Variants in ZNF407 observed in about 807,000 individuals in gnomAD.
The protein encoded by ZNF407 is zinc finger protein 407.
In ZNF407, 17 loss-of-function variants were observed where a neutral mutation model predicts 131.2. The ratio of observed to expected loss-of-function variants is 0.13; its 90% CI spans 0.09 to 0.19. The LOEUF (loss-of-function observed/expected upper bound fraction) is 0.19, where lower values mean the gene tolerates loss of function less well. Among genes scored for constraint, ZNF407 ranks in the 10% least tolerant of loss-of-function variants. ZNF407 has a pLI of 1.00. For missense variants in ZNF407, 2,681 were observed against 2,830.6 expected, an observed-to-expected ratio of 0.95 and a Z score of 1.20; for synonymous variants, 1,156 against 1,062.0, an observed-to-expected ratio of 1.09 and a Z score of -1.72.
At chr18:74,807,768 C>T (rs1424008630) in intron 4 of ZNF407, among the ~76,000 whole-genome samples, 1 of 152,122 alleles carries the variant, frequency 6.6e-6, no homozygotes, top group Non-Finnish European at 1.5e-5. Context: ...CCCTTATTTC[C>T]CCCACAGATT....
chr18:75,033,487 T>C (rs968958315), intron 8 of ZNF407, among the ~76,000 whole-genome samples: 1 of 152,072 alleles, frequency 6.6e-6, no homozygotes, highest in Non-Finnish European at 1.5e-5. Context: ...ATAGACAGAG[T>C]GGTAACCTAG....
intron 4 of ZNF407, among the ~76,000 whole-genome samples, chr18:74,820,330 C>T (rs1970323397): frequency 6.6e-6 from 1 of 152,128 alleles, no homozygotes; most frequent in Admixed American, 6.6e-5. Context: ...TGGTGAGCAG[C>T]CCTACAGACT....
intron 3 of ZNF407, among the ~76,000 whole-genome samples, chr18:74,692,965 C>T (rs955540191): frequency 3.9e-5 from 6 of 152,210 alleles, no homozygotes; most frequent in African/African-American, 1.4e-4. Context: ...GGTGGATTAT[C>T]TCAGTTTCCC....
intron 3 of ZNF407, among the ~76,000 whole-genome samples, chr18:74,686,391 A>G (rs1013823936): frequency 1.3e-5 from 2 of 152,192 alleles, no homozygotes; most frequent in African/African-American, 4.8e-5. Flanking sequence ...TCACCCCCAG[A>G]ATGAGGTTTT....
At chr18:74,723,019 C>T (rs755537627) in intron 3 of ZNF407, among the ~76,000 whole-genome samples, 2 of 152,020 alleles carry the variant, frequency 1.3e-5, no homozygotes, top group Admixed American at 6.5e-5. Context: ...CATTTTTCTC[C>T]GTCTGTTCTT....
chr18:74,984,277 C>T (rs1356424503), intron 8 of ZNF407, among the ~76,000 whole-genome samples: 11 of 152,102 alleles, frequency 7.2e-5, no homozygotes, highest in African/African-American at 2.2e-4. Context: ...ATGTTCCTGC[C>T]GCTGCTCACT....
At chr18:74,954,149 G>C (rs557556841) in intron 8 of ZNF407, among the ~76,000 whole-genome samples, 1 of 152,166 alleles carries the variant, frequency 6.6e-6, no homozygotes, top group Non-Finnish European at 1.5e-5. Context: ...TAAAGGGAAA[G>C]AGGCCAGTTT....
intron 1 of ZNF407, among the ~76,000 whole-genome samples, chr18:74,616,184 G>A (rs1040224684): frequency 5.3e-5 from 8 of 152,182 alleles, no homozygotes; most frequent in African/African-American, 9.7e-5. Flanking sequence ...GTGACATTCT[G>A]TTTGTATCTG....
intron 3 of ZNF407, 31 bp from the exon 4 acceptor site, chr18:74,781,397 A>G: frequency 4.2e-6 from 6 of 1,427,400 alleles, no homozygotes; most frequent in Non-Finnish European, 5.7e-6. Context: ...GTCAAGTTTT[A>G]GTTTTATAAT....
chr18:74,944,337 A>G (rs1353422869), intron 8 of ZNF407, among the ~76,000 whole-genome samples: 1 of 152,216 alleles, frequency 6.6e-6, no homozygotes, highest in East Asian at 1.9e-4. Flanking sequence ...AGCAATTGAT[A>G]AAGTATCCAT....
At chr18:74,992,851 G>A (rs1229323945) in intron 8 of ZNF407, among the ~76,000 whole-genome samples, 7 of 152,302 alleles carry the variant, frequency 4.6e-5, no homozygotes, top group African/African-American at 1.7e-4. Flanking sequence ...AGATATTTAA[G>A]CAGCCAAAAA....
At chr18:74,902,233 G>A (rs1248120619) in intron 7 of ZNF407, among the ~76,000 whole-genome samples, 4 of 152,180 alleles carry the variant, frequency 2.6e-5, no homozygotes, top group Admixed American at 6.5e-5. Flanking sequence ...TAGGGACCGT[G>A]CCTGGGCCGG....
At chr18:74,951,132 T>C (rs1972208912) in intron 8 of ZNF407, among the ~76,000 whole-genome samples, 1 of 152,220 alleles carries the variant, frequency 6.6e-6, no homozygotes, top group South Asian at 2.1e-4. Context: ...TTATGACCAC[T>C]ACTACTGTGA....
intron 3 of ZNF407, among the ~76,000 whole-genome samples, chr18:74,773,964 G>A (rs1439803287): frequency 1.3e-5 from 2 of 152,198 alleles, no homozygotes; most frequent in Non-Finnish European, 2.9e-5. Context: ...CTGGAGCATG[G>A]ACAGTGACTG....
At chr18:74,943,750 G>C (rs564207655) in intron 8 of ZNF407, among the ~76,000 whole-genome samples, 7 of 152,138 alleles carry the variant, frequency 4.6e-5, no homozygotes, top group African/African-American at 1.7e-4. Flanking sequence ...CCTACAGTCT[G>C]TTCTCTTGCT....
chr18:74,813,266 T>C (rs2145091297), intron 4 of ZNF407, among the ~76,000 whole-genome samples: 1 of 152,248 alleles, frequency 6.6e-6, no homozygotes, highest in African/African-American at 2.4e-5. Context: ...CAGGTGGGCA[T>C]AGCTTCTCTC....
Position 74,631,441 on chromosome 18 carries a change from A to G in ZNF407, c.422A>G (p.Asp141Gly), listed in dbSNP as rs1568130705. The G allele has an allele frequency of 4.3e-6, 7 of 1,613,982 alleles. No homozygotes were observed. The highest frequency in any genetic ancestry group is 5.9e-6 in the Non-Finnish European group (7 of 1,179,880). ...CCTTCTTGCAATTTTAGCACTATTG[A>G]TGTTGTTTCTCTGAAAACAGACACT... ...LSPSCNFSTI[D>G]VVSLKTDTEK... is the part of the protein sequence containing the mutation. The change falls in exon 2 of 9, where the codon GAT becomes GGT. Residue 141 changes from aspartate (D) to glycine (G), a missense_variant. By Grantham distance (94) the Asp-to-Gly change is moderately conservative. Around this residue, in one of 6 missense-constraint regions of ZNF407, gnomAD observed 1,789 missense variants for 1,748.7 expected, o/e 1.02. Coordinates refer to ENST00000299687, the MANE Select transcript of ZNF407 (RefSeq NM_017757.3).
At chr18:74,948,268 T>C (rs1219942986) in intron 8 of ZNF407, among the ~76,000 whole-genome samples, 1 of 152,208 alleles carries the variant, frequency 6.6e-6, no homozygotes, top group Admixed American at 6.5e-5. Context: ...TTATGTGCCA[T>C]GGGAGTATCA....
chr18:74,688,874 G>A (rs1323734128), intron 3 of ZNF407, among the ~76,000 whole-genome samples: 11 of 152,052 alleles, frequency 7.2e-5, no homozygotes, highest in African/African-American at 2.7e-4. Context: ...TGTCACCCAG[G>A]CTAGAGTGCA....
Sources: gnomAD v4.1 joint callset for allele counts (sites outside exome capture counted in the v4.1 genomes callset) on GRCh38, gnomAD v4.1.1 for gene constraint, gnomAD v4.1.1 regional missense constraint, MANE v1.5 for transcripts, NCBI Gene and HGNC (gene_info 2026-07-23, HGNC 2026-07-21) for gene names.